Variants in ZNF875 observed in about 807,000 individuals in gnomAD.
The protein encoded by ZNF875 is HKR1, GLI-Kruppel zinc finger family member.
Under a neutral mutation model 11.2 loss-of-function variants are expected in ZNF875, and 14 were observed. That is an observed-to-expected ratio of 1.26 (90% confidence interval 0.83 to 1.96). The LOEUF (loss-of-function observed/expected upper bound fraction) is 1.96. ZNF875 is among the 30% of genes most tolerant of loss of function. The probability of loss-of-function intolerance (pLI) is 0.00; values close to 1 mark genes in which losing one functional copy is unlikely to be tolerated. For synonymous variants in ZNF875, 301 were observed against 281.1 expected, an observed-to-expected ratio of 1.07 and a Z score of -0.71; for missense variants, 752 against 760.4, an observed-to-expected ratio of 0.99 and a Z score of 0.13.
At chr19:37,347,141 G>A (rs758788780) in intron 2 of ZNF875, 49 bp from the exon 3 acceptor site, 1 of 1,612,528 alleles carries the variant, frequency 6.2e-7, no homozygotes, top group South Asian at 1.1e-5. Context: ...TAAAGTGTGG[G>A]AGGGAAAGAC....
At chr19:37,333,472 T>G (rs2033716025), upstream of ZNF875, among the ~76,000 whole-genome samples, 1 of 152,146 alleles carries the variant, frequency 6.6e-6, no homozygotes, top group Admixed American at 6.5e-5. Flanking sequence ...ATACCCAACA[T>G]GCAAACCTTG....
At chr19:37,361,109 CTTT>C (rs772368148) in intron 4 of ZNF875, among the ~76,000 whole-genome samples, 2 of 115,820 alleles carry the variant, frequency 1.7e-5, no homozygotes, top group South Asian at 2.9e-4. Context: ...TTGTCTTCTC[CTTT>C]TTTTTTTTTT....
chr19:37,347,989 C>T lies in ZNF875; in HGVS notation c.256+117C>T, dbSNP rs60405678. On this transcript the variant is annotated intron_variant, in intron 4 of 4. Transcript: ENST00000392153. ...TTCAGGCCTCCTAAGCCAAGAGAAA[C>T]GTTGCCTGACATGGTCTTCTTTCCG... 3,777 of 638,172 alleles carry T rather than the reference C, an allele frequency of 5.9e-3. 125 individuals are homozygous for T. The African/African-American group carries it at 0.06, about 10-fold the overall frequency. The allele number at this position is 638,172 out of a possible 1,614,324, so 39.5% of individuals were successfully genotyped here.
Position 37,362,902 on chromosome 19 carries a change from G to A in ZNF875, c.1050G>A (p.Lys350=). 1 of 1,614,184 alleles carries A rather than the reference G, an allele frequency of 6.2e-7. No homozygotes were observed. The highest frequency in any genetic ancestry group is 8.5e-7 in the Non-Finnish European group (1 of 1,180,040). The change falls in exon 5 of 5, where the codon AAG becomes AAA. Residue 350 remains lysine, a synonymous_variant. Coordinates refer to ENST00000392153, the MANE Select transcript of ZNF875 (RefSeq NM_001353803.2). Reference sequence around the variant, plus strand: ...AATGTGGGCAGAGCTTTAGCCTGAAGTCAAACCTCATTACCCACCAGAGGG... The same window carrying A: ...AATGTGGGCAGAGCTTTAGCCTGAAATCAAACCTCATTACCCACCAGAGGG... The part of the protein sequence containing the change: ...CKECGQSFSL[K]SNLITHQRAH...
At chr19:37,322,963 A>G (rs1394894106) in intron 2 of ZNF875, among the ~76,000 whole-genome samples, 2 of 151,862 alleles carry the variant, frequency 1.3e-5, no homozygotes, top group African/African-American at 4.8e-5. Context: ...CTCAGGACCC[A>G]CTACCCTCCC....
chr19:37,348,868 T>C (rs947192044), intron 4 of ZNF875, among the ~76,000 whole-genome samples: 3 of 152,210 alleles, frequency 2.0e-5, no homozygotes, highest in African/African-American at 7.2e-5. Flanking sequence ...CAAACTATTC[T>C]CCAAAGTTGT....
rs775286986 is a variant in ZNF875, at chr19:37,347,904, T to C, written c.256+32T>C. On this transcript the variant is annotated intron_variant, in intron 4 of 4. Coordinates refer to ENST00000392153, the MANE Select transcript of ZNF875 (RefSeq NM_001353803.2). ...GTTGAGTGTGGGGTAGACGGGATAA[T>C]CCACAGCTTGGCAGATAGGAAGGAG... is the stretch of plus-strand genomic sequence containing the variant. The C allele has an allele frequency of 7.8e-6, 10 of 1,276,908 alleles. No individual in the cohort carries two copies. In the Admixed American group the frequency reaches 1.0e-4, roughly 13 times the overall value. 79.1% of individuals were successfully genotyped at this position (1,276,908 alleles called of 1,614,324 possible). A position where few individuals can be genotyped will look rare whatever the true frequency, so the allele number is the denominator to read the frequency against.
At position 37,363,310 on chromosome 19, in the gene ZNF875, C is replaced by T. The variant is rs756677165; in HGVS notation, c.1458C>T (p.Gly486=). Residue 486 remains glycine (G), a synonymous_variant, in exon 5 of 5, where the codon GGC becomes GGT. Transcript: ENST00000392153. ...KPFVCTECGR[G]FTRKSTLSTH... is the part of the protein sequence containing the mutation. ...TTGTATGTACGGAGTGTGGGCGAGG[C>T]TTTACCCGGAAATCAACCCTGAGCA... 3.7e-6 allele frequency: 6 copies of T among 1,610,904 alleles called. No individual in the cohort carries two copies. In the South Asian group the frequency reaches 6.6e-5, roughly 18 times the overall value.
chr19:37,343,195 G>T (rs1266225211), intron 2 of ZNF875, among the ~76,000 whole-genome samples: 2 of 151,876 alleles, frequency 1.3e-5, no homozygotes, highest in African/African-American at 4.8e-5. Flanking sequence ...AAATTAGCCG[G>T]GTGTGGTGGT....
intron 4 of ZNF875, among the ~76,000 whole-genome samples, chr19:37,352,679 A>G (rs1360754389): frequency 6.6e-6 from 1 of 151,710 alleles, no homozygotes; most frequent in Non-Finnish European, 1.5e-5. Flanking sequence ...TTTCTTCTTT[A>G]TCCAGTTTGC....
At chr19:37,353,161 A>G (rs1157039087) in intron 4 of ZNF875, among the ~76,000 whole-genome samples, 1 of 152,176 alleles carries the variant, frequency 6.6e-6, no homozygotes, top group South Asian at 2.1e-4. Context: ...GGCGTGAGCC[A>G]CCGCGCCCGG....
At position 37,347,204 on chromosome 19, in the gene ZNF875, C is replaced by T. The variant is rs1296043847; in HGVS notation, c.48C>T (p.Phe16=). 6.2e-7 allele frequency: 1 copy of T among 1,614,106 alleles called. No individual in the cohort carries two copies. Among genetic ancestry groups the T allele is most frequent in the Non-Finnish European group, 8.5e-7 (1 of 1,180,000 alleles). ...TTGTGTTAAAGGCGTTCGTGGCATT[C>T]AGGGATGTGGCTGTGTACTTCACCC... The part of the protein sequence containing the change: ...LRAKKEAFVA[F]RDVAVYFTQE... Residue 16 remains phenylalanine (F), a synonymous_variant, in exon 3 of 5, where the codon TTC becomes TTT. Coordinates refer to ENST00000392153, the MANE Select transcript of ZNF875 (RefSeq NM_001353803.2).
intron 4 of ZNF875, among the ~76,000 whole-genome samples, chr19:37,350,776 C>T (rs1257188828): frequency 6.6e-6 from 1 of 151,056 alleles, no homozygotes; most frequent in Non-Finnish European, 1.5e-5. Context: ...CTGATCTGTT[C>T]CCCATCACTA....
At chr19:37,347,893 A>G in intron 4 of ZNF875, 21 bp downstream of exon 4, 1 of 1,386,904 alleles carries the variant, frequency 7.2e-7, no homozygotes, top group Non-Finnish European at 1.0e-6. Context: ...AGTGTGGGGT[A>G]GACGGGATAA....
In ZNF875 at chr19:37,347,674, C is replaced by A; in HGVS notation, c.161-103C>A. 6.7e-6 allele frequency: 5 copies of A among 740,788 alleles called. No homozygotes were observed. The South Asian group carries it at 8.0e-5, about 12-fold the overall frequency. 45.9% of individuals were successfully genotyped at this position (740,788 alleles called of 1,614,324 possible). On this transcript the variant is annotated intron_variant, in intron 3 of 4. Coordinates refer to ENST00000392153, the MANE Select transcript of ZNF875 (RefSeq NM_001353803.2). ...TTCAGAGAGAGAACTATTCATAGGT[C>A]TTTTTTATCCTCTGGGTTTCCTCAC...
intron 1 of ZNF875, among the ~76,000 whole-genome samples, chr19:37,319,494 T>A (rs2030929570): frequency 6.6e-6 from 1 of 151,876 alleles, no homozygotes; most frequent in Non-Finnish European, 1.5e-5. Context: ...TCTATCTTCA[T>A]GAAGTGTGAA....
In ZNF875 at chr19:37,363,433, A is replaced by G. The variant is rs1272657875; in HGVS notation, c.1581A>G (p.Thr527=). 1 of 1,614,022 alleles carries G rather than the reference A, an allele frequency of 6.2e-7. No individual in the cohort carries two copies. The change falls in exon 5 of 5, where the codon ACA becomes ACG. Residue 527 remains threonine (T), a synonymous_variant. Coordinates refer to ENST00000392153, the MANE Select transcript of ZNF875 (RefSeq NM_001353803.2). ...DKSTLISHQR[T]HSGEKPFMCR... The stretch of plus-strand genomic sequence containing the variant: ...CCACCCTCATTTCACACCAGAGGAC[A>G]CATTCAGGGGAAAAGCCTTTTATGT...
chr19:37,360,944 T>G (rs1161487661), intron 4 of ZNF875, among the ~76,000 whole-genome samples: 1 of 151,742 alleles, frequency 6.6e-6, no homozygotes, highest in East Asian at 1.9e-4. Flanking sequence ...TTATTTTTTA[T>G]ATATTTATCT....
At chr19:37,314,653 T>A (rs1200874413), upstream of ZNF875, among the ~76,000 whole-genome samples, 2 of 151,386 alleles carry the variant, frequency 1.3e-5, no homozygotes, top group Non-Finnish European at 2.9e-5. Flanking sequence ...GGTGAAACAC[T>A]GTCTCTACTA....
Sources: gnomAD v4.1 joint callset for allele counts (sites outside exome capture counted in the v4.1 genomes callset) on GRCh38, gnomAD v4.1.1 for gene constraint, MANE v1.5 for transcripts, NCBI Gene and HGNC (gene_info 2026-07-23, HGNC 2026-07-21) for gene names.